Variants in KCNQ1 observed in about 807,000 individuals in gnomAD.
The protein encoded by KCNQ1 is potassium voltage-gated channel subfamily KQT member 1.
KCNQ1 carries 49 observed loss-of-function variants against 72.4 expected under a neutral mutation model. The observed-to-expected ratio is 0.68, with a 90% CI of 0.54 to 0.86. The LOEUF (loss-of-function observed/expected upper bound fraction) is 0.86. KCNQ1 is among the 40% of genes least tolerant of loss of function. The pLI is 0.00. For missense variants in KCNQ1, 790 were observed against 945.1 expected (o/e 0.84, Z 2.15); for synonymous variants, 450 against 412.6 (o/e 1.09, Z -1.10).
At position 2,686,464 on chromosome 11, in the gene KCNQ1, A is replaced by G. The variant is rs140087633; in HGVS notation, c.1514+24383A>G. 6.7e-4 allele frequency: 266 copies of G among 398,626 alleles called. 1 individual carries two copies. The East Asian group carries it at 8.8e-3, about 13-fold the overall frequency. The allele number at this position is 398,626 out of a possible 1,614,324, so 24.7% of individuals were successfully genotyped here. On this transcript the variant is annotated intron_variant, in intron 11 of 15. Transcript: ENST00000155840. ...TGCCAAGTTTCCACAATTGTTTTGA[A>G]ATAATTCCCAACAGATACCCCCACC...
At chr11:2,846,957 G>C (rs1466998694) in intron 15 of KCNQ1, among the ~76,000 whole-genome samples, 1 of 152,234 alleles carries the variant, frequency 6.6e-6, no homozygotes, top group Non-Finnish European at 1.5e-5. Context: ...TGAGAAGGTG[G>C]AGGCCACATG....
rs114643743 is a variant in KCNQ1, at chr11:2,476,197, G to T, written c.386+30713G>T. 9.2e-3 allele frequency among the ~76,000 whole-genome samples: 1,395 copies of T among 152,228 alleles called. 18 individuals are homozygous for T. Among genetic ancestry groups the T allele is most frequent in the African/African-American group, 0.031 (1,299 of 41,538 alleles). On this transcript the variant is annotated intron_variant, in intron 1 of 15. Coordinates refer to ENST00000155840, the MANE Select transcript of KCNQ1 (RefSeq NM_000218.3). ...TGTTCCTGGAACACTCACAAACATTGATCATATACTAGACTGCAAAAACTT... is the reference window on the plus strand; with the variant it reads ...TGTTCCTGGAACACTCACAAACATTTATCATATACTAGACTGCAAAAACTT...
chr11:2,474,706 A>AGAGCTCTCTGG (rs565060386), intron 1 of KCNQ1, among the ~76,000 whole-genome samples: 191 of 152,220 alleles, frequency 1.3e-3, no homozygotes, highest in African/African-American at 4.1e-3. Flanking sequence ...CCCTGCTCCC[A>AGAGCTCTCTGG]GAGAGGCCCA....
chr11:2,527,869 G>A, intron 1 of KCNQ1, 59 bp from the exon 2 acceptor site: 1 of 1,491,768 alleles, frequency 6.7e-7, no homozygotes. Context: ...CCACTCCCCA[G>A]GTGCATCTGT....
At position 2,769,231 on chromosome 11, in the gene KCNQ1, C is replaced by T. The variant is rs1846550202; in HGVS notation, c.1590+312C>T. Reference sequence around the variant, plus strand: ...CTCCCGTGGGGTGGGTCGTGCAAGGCAGCATTAGTGAGAGATGTGAGGGTG... The same window carrying T: ...CTCCCGTGGGGTGGGTCGTGCAAGGTAGCATTAGTGAGAGATGTGAGGGTG... On this transcript the variant is annotated intron_variant, in intron 12 of 15. Coordinates refer to ENST00000155840, the MANE Select transcript of KCNQ1 (RefSeq NM_000218.3). This position sits in a 1 kb window ranked among gnomAD's most constrained non-coding sequence, Gnocchi z 4.6. Among the ~76,000 whole-genome samples, 1 of 152,098 alleles carries T rather than the reference C, an allele frequency of 6.6e-6. No individual in the cohort carries two copies. The highest frequency in any genetic ancestry group is 2.1e-4 in the South Asian group (1 of 4,822).
At chr11:2,776,924 G>A (rs148685461) in intron 13 of KCNQ1, 62 bp from the exon 14 acceptor site, 131 of 1,513,444 alleles carry the variant, frequency 8.7e-5, no homozygotes, top group East Asian at 4.3e-4. Context: ...TCCCACAGAC[G>A]ACAGTGCATC....
intron 10 of KCNQ1, chr11:2,648,230 CATTG>C (rs1849697729): frequency 5.0e-6 from 2 of 398,634 alleles, no homozygotes; most frequent in South Asian, 1.3e-4. Context: ...GGCCTCATTT[CATTG>C]ATCTTTTGTC....
At chr11:2,618,332 G>A (rs1226527479) in intron 10 of KCNQ1, 1 of 398,434 alleles carries the variant, frequency 2.5e-6, no homozygotes, top group African/African-American at 2.1e-5. Context: ...AAAATTCAAT[G>A]TTTTAACAAA....
At position 2,723,102 on chromosome 11, in the gene KCNQ1, C is replaced by A. The variant is rs1202897139; in HGVS notation, c.1515-45742C>A. On this transcript the variant is annotated intron_variant, in intron 11 of 15. Transcript: ENST00000155840. The surrounding 1 kb of genome is among the most constrained non-coding windows in gnomAD (Gnocchi z 4.2). ...AGGACAGGGGGGATCCCAGACGGAT[C>A]CTGAAAACAGGCTCCGCCTTCCTCT... Among the ~76,000 whole-genome samples, 2 of 152,214 alleles carry A rather than the reference C, an allele frequency of 1.3e-5. No homozygotes were observed. Among genetic ancestry groups the A allele is most frequent in the Non-Finnish European group, 2.9e-5 (2 of 68,034 alleles).
chr11:2,522,434 G>C (rs943585122), intron 1 of KCNQ1, among the ~76,000 whole-genome samples: 25 of 152,190 alleles, frequency 1.6e-4, no homozygotes, highest in African/African-American at 5.8e-4. Context: ...TGAGGCAGAG[G>C]GGGTGGTAGG....
chr11:2,514,223 G>T (rs746583021), intron 1 of KCNQ1, among the ~76,000 whole-genome samples: 1 of 152,224 alleles, frequency 6.6e-6, no homozygotes, highest in Non-Finnish European at 1.5e-5. Context: ...GCGCATTTCC[G>T]TGCAGGACAC....
Position 2,526,958 on chromosome 11 carries a change from G to A in KCNQ1, c.387-970G>A, listed in dbSNP as rs759474443. ...CCATGTGGCCATCTCCTGGCTCTCC[G>A]GTCGCTGAGGATCCACGGGGGTCCC... On this transcript the variant is annotated intron_variant, in intron 1 of 15. Transcript: ENST00000155840. The surrounding 1 kb of genome is among the most constrained non-coding windows in gnomAD (Gnocchi z 6.1). Among the ~76,000 whole-genome samples, 94 of 152,232 alleles carry A rather than the reference G, an allele frequency of 6.2e-4. No individual in the cohort carries two copies. Among genetic ancestry groups the A allele is most frequent in the Non-Finnish European group, 1.1e-3 (73 of 67,988 alleles).
intron 11 of KCNQ1, among the ~76,000 whole-genome samples, chr11:2,732,574 C>T (rs539436437): frequency 3.3e-5 from 5 of 152,334 alleles, no homozygotes; most frequent in Admixed American, 6.5e-5. Context: ...ACAGCAGGCG[C>T]GAGCGAAGGG....
At chr11:2,542,863 G>C (rs1011385410) in intron 2 of KCNQ1, among the ~76,000 whole-genome samples, 3 of 152,194 alleles carry the variant, frequency 2.0e-5, no homozygotes, top group Non-Finnish European at 2.9e-5. Context: ...CTGTATAAAA[G>C]TGTTTGTAGG....
chr11:2,612,689 T>C lies in KCNQ1; in HGVS notation c.1393+23835T>C. On this transcript the variant is annotated intron_variant, in intron 10 of 15. Transcript: ENST00000155840. This position sits in a 1 kb window ranked among gnomAD's most constrained non-coding sequence, Gnocchi z 5.5. ...GTTTCTTTTGGTTCTTTGAACATAGTTATAATACTTACTTTGAAATCGCGC... is the reference window on the plus strand; with the variant it reads ...GTTTCTTTTGGTTCTTTGAACATAGCTATAATACTTACTTTGAAATCGCGC... The C allele has an allele frequency of 5.0e-6, 2 of 398,592 alleles. No homozygotes were observed. The highest frequency in any genetic ancestry group is 1.3e-4 in the South Asian group (1 of 7,858). 24.7% of individuals were successfully genotyped at this position (398,592 alleles called of 1,614,324 possible). A position where few individuals can be genotyped will look rare whatever the true frequency, so the allele number is the denominator to read the frequency against.
At chr11:2,740,467 C>A (rs1353075377) in intron 11 of KCNQ1, among the ~76,000 whole-genome samples, 1 of 152,226 alleles carries the variant, frequency 6.6e-6, no homozygotes, top group African/African-American at 2.4e-5. Flanking sequence ...CCCGATGCAG[C>A]CCCACCCAGA....
In KCNQ1 at chr11:2,677,991, T is replaced by A; in HGVS notation, c.1514+15910T>A. ...TACATTTCTTTTGTTGGAAATGAGG[T>A]TTTTATCTTTCCAAATGCTTAAAAT... On this transcript the variant is annotated intron_variant, in intron 11 of 15. Transcript: ENST00000155840. This position sits in a 1 kb window ranked among gnomAD's most constrained non-coding sequence, Gnocchi z 4.5. 2.5e-6 allele frequency: 1 copy of A among 392,812 alleles called. No homozygotes were observed. The highest frequency in any genetic ancestry group is 3.6e-5 in the East Asian group (1 of 27,608). 24.3% of individuals were successfully genotyped at this position (392,812 alleles called of 1,614,324 possible).
intron 11 of KCNQ1, chr11:2,667,405 C>T: frequency 5.0e-6 from 2 of 398,724 alleles, no homozygotes; most frequent in Non-Finnish European, 8.8e-6. Flanking sequence ...CCAGGCTCAG[C>T]CCTCTCCACT....
At chr11:2,557,857 T>C (rs1450705767) in intron 2 of KCNQ1, among the ~76,000 whole-genome samples, 2 of 152,220 alleles carry the variant, frequency 1.3e-5, no homozygotes, top group Non-Finnish European at 2.9e-5. Flanking sequence ...GCACTATCAC[T>C]TCGAACCCTA....
Sources: allele counts gnomAD v4.1 joint callset (sites outside exome capture counted in the v4.1 genomes callset), GRCh38; gene constraint gnomAD v4.1.1; non-coding constraint Gnocchi (gnomAD v3.1); transcripts MANE v1.5; gene names NCBI Gene and HGNC (gene_info 2026-07-23, HGNC 2026-07-21).